RIT2: variants seen among roughly 807,000 people sequenced by gnomAD.
RIT2 encodes the protein GTP-binding protein Rit2.
RIT2 carries 24 observed loss-of-function variants against 23.7 expected under a neutral mutation model. The ratio of observed to expected loss-of-function variants is 1.01; its 90% confidence interval spans 0.73 to 1.43. The LOEUF is 1.43. Ranked by LOEUF, RIT2 falls within the 40% of genes most tolerant of loss-of-function variation. RIT2 has a pLI of 0.00. For synonymous variants in RIT2, 107 were observed against 91.1 expected (o/e 1.17, Z -0.99); for missense variants, 236 against 266.9 (o/e 0.88, Z 0.81).
At chr18:42,931,306 T>C (rs553435788) in intron 3 of RIT2, among the ~76,000 whole-genome samples, 1 of 152,232 alleles carries the variant, frequency 6.6e-6, no homozygotes, top group African/African-American at 2.4e-5. Flanking sequence ...ATCAAATCCT[T>C]AAACTAAATG....
At chr18:43,032,034 A>G (rs974323560) in intron 2 of RIT2, among the ~76,000 whole-genome samples, 6 of 152,132 alleles carry the variant, frequency 3.9e-5, no homozygotes, top group African/African-American at 1.4e-4. Flanking sequence ...CAATATTCCC[A>G]TTAGAAAGGC....
intron 4 of RIT2, among the ~76,000 whole-genome samples, chr18:42,799,953 T>C (rs772271296): frequency 6.6e-6 from 1 of 151,882 alleles, no homozygotes; most frequent in Admixed American, 6.6e-5. Context: ...AATTGGAATT[T>C]AAATAATTAT....
intron 4 of RIT2, among the ~76,000 whole-genome samples, chr18:42,922,190 G>A (rs750349099): frequency 1.3e-5 from 2 of 152,028 alleles, no homozygotes; most frequent in Non-Finnish European, 2.9e-5. Context: ...ATACGTTCCC[G>A]GTTAAACATC....
At chr18:42,764,264 A>G (rs1913370709) in intron 4 of RIT2, among the ~76,000 whole-genome samples, 1 of 152,218 alleles carries the variant, frequency 6.6e-6, no homozygotes, top group African/African-American at 2.4e-5. Context: ...GGAGAGGTCT[A>G]GAAGATAACT....
At chr18:43,023,453 T>C (rs544351184) in intron 2 of RIT2, among the ~76,000 whole-genome samples, 65 of 152,212 alleles carry the variant, frequency 4.3e-4, no homozygotes, top group African/African-American at 1.5e-3. Context: ...TTTCATCTTA[T>C]AGTTCGATTA....
At chr18:43,061,925 G>C (rs561936368) in intron 1 of RIT2, among the ~76,000 whole-genome samples, 1 of 151,992 alleles carries the variant, frequency 6.6e-6, no homozygotes, top group Non-Finnish European at 1.5e-5. Flanking sequence ...ACTGAGCTGC[G>C]GGCAGTGGGA....
Position 43,115,571 on chromosome 18 carries a change from G to T in RIT2, c.-52C>A. ...AGAAGGAGAAAGTCACCCGTGTCAGGTGCTTGCTCGAATATTAAGCAACTC... is the reference window on the plus strand; with the variant it reads ...AGAAGGAGAAAGTCACCCGTGTCAGTTGCTTGCTCGAATATTAAGCAACTC... On this transcript the variant is annotated 5_prime_UTR_variant, in exon 1 of 5. Transcript: ENST00000326695. The T allele has an allele frequency of 6.3e-7, 1 of 1,584,316 alleles. No individual in the cohort carries two copies.
intron 4 of RIT2, among the ~76,000 whole-genome samples, chr18:42,821,153 C>G: frequency 6.6e-6 from 1 of 152,068 alleles, no homozygotes. Flanking sequence ...TAGTAAATTA[C>G]CCAGTCTCAG....
chr18:43,100,864 A>G (rs1156394361), intron 1 of RIT2, among the ~76,000 whole-genome samples: 1 of 152,026 alleles, frequency 6.6e-6, no homozygotes, highest in Non-Finnish European at 1.5e-5. Context: ...TCTGGACTTC[A>G]GAATCCCCCA....
intron 1 of RIT2, among the ~76,000 whole-genome samples, chr18:43,083,260 C>T (rs1471445267): frequency 6.6e-6 from 1 of 152,156 alleles, no homozygotes. Flanking sequence ...ACATTCCATG[C>T]TCATGGATAG....
intron 3 of RIT2, among the ~76,000 whole-genome samples, chr18:42,944,123 G>A (rs1359903951): frequency 6.6e-6 from 1 of 152,028 alleles, no homozygotes; most frequent in African/African-American, 2.4e-5. Flanking sequence ...ATGTCCTTCA[G>A]TGGAAAAAAC....
intron 1 of RIT2, among the ~76,000 whole-genome samples, chr18:43,043,426 T>A (rs1319116161): frequency 6.6e-6 from 1 of 152,126 alleles, no homozygotes; most frequent in African/African-American, 2.4e-5. Context: ...CACTAAATGT[T>A]AATTTTTGAA....
At chr18:42,871,690 G>C (rs888919175) in intron 4 of RIT2, among the ~76,000 whole-genome samples, 3 of 151,848 alleles carry the variant, frequency 2.0e-5, no homozygotes, top group African/African-American at 7.3e-5. Flanking sequence ...TAGATGTTCT[G>C]TATGTCTCAT....
At chr18:43,024,932 G>A (rs1254659879) in intron 2 of RIT2, among the ~76,000 whole-genome samples, 1 of 152,032 alleles carries the variant, frequency 6.6e-6, no homozygotes, top group Non-Finnish European at 1.5e-5. Flanking sequence ...AACAGGCCGG[G>A]TGCGGTGGCT....
intron 1 of RIT2, among the ~76,000 whole-genome samples, chr18:43,076,710 G>A (rs533643596): frequency 6.6e-6 from 1 of 152,238 alleles, no homozygotes; most frequent in African/African-American, 2.4e-5. Context: ...TGCTGAAGAA[G>A]GCAGAGAAGA....
chr18:42,989,726 T>A (rs1475158673), intron 2 of RIT2, among the ~76,000 whole-genome samples: 1 of 152,190 alleles, frequency 6.6e-6, no homozygotes, highest in East Asian at 1.9e-4. Context: ...AAACCGTAGA[T>A]CTCTGTAGAT....
chr18:42,974,197 TATTA>T, intron 2 of RIT2, 50 bp from the exon 3 acceptor site: 1 of 1,260,126 alleles, frequency 7.9e-7, no homozygotes, highest in South Asian at 1.3e-5. Flanking sequence ...GGAAAGGCAT[TATTA>T]ATTTTTAGAT....
intron 1 of RIT2, among the ~76,000 whole-genome samples, chr18:43,077,139 C>T (rs1218778308): frequency 6.7e-6 from 1 of 149,334 alleles, no homozygotes; most frequent in African/African-American, 2.5e-5. Flanking sequence ...AAACACAAGC[C>T]TCAGTTGAAT....
intron 1 of RIT2, among the ~76,000 whole-genome samples, chr18:43,111,481 T>C (rs1048431679): frequency 2.0e-5 from 3 of 151,604 alleles, no homozygotes; most frequent in Admixed American, 6.6e-5. Flanking sequence ...ATGATGAATG[T>C]TTGAGGTGAT....
Sources: allele counts gnomAD v4.1 joint callset (sites outside exome capture counted in the v4.1 genomes callset), GRCh38; gene constraint gnomAD v4.1.1; transcripts MANE v1.5; gene names NCBI Gene and HGNC (gene_info 2026-07-23, HGNC 2026-07-21).